Variants in AK7 observed in about 807,000 individuals in gnomAD.
AK7 encodes the protein adenylate kinase 7, also known as ATP-AMP transphosphorylase 7.
In AK7, 78 loss-of-function variants were observed where a neutral mutation model predicts 96.6. The ratio of observed to expected loss-of-function variants is 0.81; its 90% CI spans 0.67 to 0.97. The LOEUF (loss-of-function observed/expected upper bound fraction) is 0.97. Among genes scored for constraint, AK7 ranks in the 50% least tolerant of loss-of-function variants. The pLI is 0.00. For missense variants in AK7, 855 were observed against 887.9 expected (o/e 0.96, Z 0.47); for synonymous variants, 302 against 317.2 (o/e 0.95, Z 0.51).
chr14:96,485,738 T>C (rs1291202032), intron 16 of AK7, among the ~76,000 whole-genome samples: 1 of 152,098 alleles, frequency 6.6e-6, no homozygotes, highest in Non-Finnish European at 1.5e-5. Context: ...CATTTTGATC[T>C]CTGGGTTGGC....
intron 12 of AK7, among the ~76,000 whole-genome samples, chr14:96,467,068 AG>A (rs1269745654): frequency 6.6e-6 from 1 of 151,602 alleles, no homozygotes; most frequent in Non-Finnish European, 1.5e-5. Flanking sequence ...AAAAAGGCAA[AG>A]GTTCTCATAA....
At chr14:96,487,920 T>C (rs1895863540) in intron 17 of AK7, 2 of 304,072 alleles carry the variant, frequency 6.6e-6, no homozygotes, top group Non-Finnish European at 1.3e-5. Context: ...ATTTATTTAT[T>C]ATTTATTTTG....
chr14:96,411,975 C>T (rs1195569126), intron 4 of AK7, among the ~76,000 whole-genome samples: 1 of 152,224 alleles, frequency 6.6e-6, no homozygotes, highest in Non-Finnish European at 1.5e-5. Context: ...CTACTTTCCT[C>T]TCTGCTTTTC....
At chr14:96,476,768 A>C (rs1895211225) in intron 14 of AK7, among the ~76,000 whole-genome samples, 1 of 152,202 alleles carries the variant, frequency 6.6e-6, no homozygotes, top group African/African-American at 2.4e-5. Context: ...AAATCTTTGA[A>C]AATTGGAAAG....
At chr14:96,468,312 T>C (rs1237914753) in intron 12 of AK7, among the ~76,000 whole-genome samples, 1 of 146,106 alleles carries the variant, frequency 6.8e-6, no homozygotes, top group Non-Finnish European at 1.5e-5. Context: ...TTTTTTTTTT[T>C]TTTTTTTGAG....
At chr14:96,394,805 A>G (rs1043782350) in intron 1 of AK7, among the ~76,000 whole-genome samples, 4 of 152,184 alleles carry the variant, frequency 2.6e-5, no homozygotes, top group African/African-American at 9.7e-5. Context: ...GCAAAATCCC[A>G]TCTCTACTAA....
At chr14:96,394,849 G>A (rs918442870) in intron 1 of AK7, among the ~76,000 whole-genome samples, 19 of 152,216 alleles carry the variant, frequency 1.2e-4, no homozygotes, top group African/African-American at 3.9e-4. Flanking sequence ...GGTGGCTTGC[G>A]CCTGTAATCC....
chr14:96,404,127 CA>C (rs1566760090), intron 2 of AK7, among the ~76,000 whole-genome samples: 2 of 100,250 alleles, frequency 2.0e-5, no homozygotes, highest in Non-Finnish European at 3.8e-5. Context: ...CTGGGCAAAA[CA>C]GAGTGAAACT....
intron 5 of AK7, chr14:96,423,706 C>T (rs1006185439): frequency 1.4e-6 from 1 of 689,762 alleles, no homozygotes; most frequent in Non-Finnish European, 2.7e-6. Flanking sequence ...ACTTCCCAGA[C>T]AGCTGCTCCT....
intron 16 of AK7, among the ~76,000 whole-genome samples, chr14:96,486,232 C>T (rs1350993388): frequency 6.6e-6 from 1 of 152,142 alleles, no homozygotes; most frequent in African/African-American, 2.4e-5. Context: ...ACTTAGGATC[C>T]CCCTCTCTGT....
At position 96,437,830 on chromosome 14, in the gene AK7, A is replaced by G; in HGVS notation, c.610-5A>G. On this transcript the variant is annotated splice_polypyrimidine_tract_variant and splice_region_variant and intron_variant, in intron 5 of 17. Coordinates refer to ENST00000267584, the MANE Select transcript of AK7 (RefSeq NM_152327.5). ...AGCTTTTTTTTTCTGTATTTTATCT[A>G]ATAGGCCAGAAAATTTGCAGCATAC... The G allele has an allele frequency of 1.2e-6, 2 of 1,605,208 alleles. No homozygotes were observed. Among genetic ancestry groups the G allele is most frequent in the Non-Finnish European group, 1.7e-6 (2 of 1,175,246 alleles).
chr14:96,449,651 C>T (rs1893467282), intron 8 of AK7, 151 bp from the exon 9 acceptor site: 1 of 564,772 alleles, frequency 1.8e-6, no homozygotes, highest in Non-Finnish European at 3.2e-6. Flanking sequence ...CCAGGTTGGT[C>T]TCAAACTCCT....
chr14:96,404,554 C>G (rs1170600510), intron 2 of AK7, among the ~76,000 whole-genome samples: 1 of 152,178 alleles, frequency 6.6e-6, no homozygotes, highest in East Asian at 1.9e-4. Flanking sequence ...CTGTTCCAAG[C>G]TGTTTTCATA....
chr14:96,456,307 T>C (rs757176422), intron 10 of AK7, 40 bp from the exon 11 acceptor site: 15 of 1,556,008 alleles, frequency 9.6e-6, no homozygotes, highest in Admixed American at 5.3e-5. Flanking sequence ...TACAGATCAT[T>C]CAGAGCTTGC....
intron 16 of AK7, among the ~76,000 whole-genome samples, 191 bp downstream of exon 16, chr14:96,483,410 G>GTT (rs59424847): frequency 6.8e-6 from 1 of 146,602 alleles, no homozygotes; most frequent in Non-Finnish European, 1.5e-5. Flanking sequence ...CTTTTGCTTA[G>GTT]TTTTTTTTTT....
At chr14:96,458,421 C>T (rs1894060414) in intron 12 of AK7, among the ~76,000 whole-genome samples, 1 of 151,858 alleles carries the variant, frequency 6.6e-6, no homozygotes, top group African/African-American at 2.4e-5. Context: ...CATGGCGAAA[C>T]CCCATCTCTA....
Position 96,486,940 on chromosome 14 carries a change from C to T in AK7, c.2017C>T (p.Leu673=), listed in dbSNP as rs1895798785. 6.2e-7 allele frequency: 1 copy of T among 1,613,814 alleles called. No individual in the cohort carries two copies. Among genetic ancestry groups the T allele is most frequent in the African/African-American group, 1.3e-5 (1 of 74,888 alleles). ...EEVKREEREL[L]EAQSIPLRNY... ...AGTGAAAAGAGAAGAAAGAGAATTACTGGAGGCTCAGTCAATTCCCCTGAG... is the reference window on the plus strand; with the variant it reads ...AGTGAAAAGAGAAGAAAGAGAATTATTGGAGGCTCAGTCAATTCCCCTGAG... The change falls in exon 17 of 18, where the codon CTG becomes TTG. Residue 673 remains leucine, a synonymous_variant. Coordinates refer to ENST00000267584, the MANE Select transcript of AK7 (RefSeq NM_152327.5).
At chr14:96,440,917 C>G (rs1040302143) in intron 6 of AK7, among the ~76,000 whole-genome samples, 1 of 151,466 alleles carries the variant, frequency 6.6e-6, no homozygotes, top group African/African-American at 2.4e-5. Context: ...CAGTAAAGCA[C>G]TTTCGGAGGC....
chr14:96,444,583 G>A (rs183429736), intron 7 of AK7, among the ~76,000 whole-genome samples: 7 of 152,194 alleles, frequency 4.6e-5, no homozygotes, highest in African/African-American at 1.7e-4. Flanking sequence ...GCCAAAGAGA[G>A]CAACAACAGC....
Sources: gnomAD v4.1 joint callset for allele counts (sites outside exome capture counted in the v4.1 genomes callset) on GRCh38, gnomAD v4.1.1 for gene constraint, MANE v1.5 for transcripts, NCBI Gene and HGNC (gene_info 2026-07-23, HGNC 2026-07-21) for gene names.